Variants in WNK1 observed in about 807,000 individuals in gnomAD.
WNK1 encodes the protein serine/threonine-protein kinase WNK1.
WNK1 carries 38 observed loss-of-function variants against 222.8 expected under a neutral mutation model. That is an observed-to-expected ratio of 0.17 (90% CI 0.13 to 0.22). The LOEUF is 0.22. Among genes scored for constraint, WNK1 ranks in the 10% least tolerant of loss-of-function variants. WNK1 has a pLI of 1.00. For missense variants in WNK1, 2,348 were observed against 2,918.4 expected, an observed-to-expected ratio of 0.80 and a Z score of 4.50; for synonymous variants, 1,090 against 1,092.9, an observed-to-expected ratio of 1.00 and a Z score of 0.05.
chr12:826,022 A>T (rs1327751326), intron 2 of WNK1, among the ~76,000 whole-genome samples: 1 of 152,110 alleles, frequency 6.6e-6, no homozygotes, highest in Non-Finnish European at 1.5e-5. Context: ...TCCTACATTC[A>T]TGTATTTCAG....
intron 1 of WNK1, among the ~76,000 whole-genome samples, chr12:754,586 C>T (rs529927437): frequency 1.3e-5 from 2 of 152,302 alleles, no homozygotes; most frequent in Admixed American, 6.5e-5. Context: ...AACGAATTGT[C>T]TCCTGGTTTA....
intron 2 of WNK1, among the ~76,000 whole-genome samples, chr12:824,405 C>T (rs1227881861): frequency 6.6e-6 from 1 of 151,990 alleles, no homozygotes; most frequent in Non-Finnish European, 1.5e-5. Context: ...GATTGGATTC[C>T]TTCTTGTCCT....
intron 1 of WNK1, among the ~76,000 whole-genome samples, chr12:789,480 A>G (rs1185003428): frequency 6.7e-6 from 1 of 149,872 alleles, no homozygotes; most frequent in African/African-American, 2.5e-5. Context: ...TACCTGTATT[A>G]TTAGTCCTTT....
intron 1 of WNK1, among the ~76,000 whole-genome samples, chr12:755,968 C>T (rs537130701): frequency 6.6e-6 from 1 of 152,142 alleles, no homozygotes; most frequent in South Asian, 2.1e-4. Flanking sequence ...AGCGAGACTC[C>T]GTCTCAAAAA....
rs1039791359 is a variant in WNK1 at position 885,821 on chromosome 12, C to T, written c.5017C>T (p.His1673Tyr). The change falls in exon 19 of 28, where the codon CAT becomes TAT. Residue 1673 changes from histidine (H) to tyrosine (Y), a missense_variant. Transcript: ENST00000315939. ...TGAACACAGCTCATCTGGAGCTCAG[C>T]ATGCCTCTGTCTCACTGGAGACCTC... ...FSEHSSSGAQ[H>Y]ASVSLETSLV... The T allele has an allele frequency of 1.2e-6, 2 of 1,614,108 alleles. No homozygotes were observed. The highest frequency in any genetic ancestry group is 8.5e-7 in the Non-Finnish European group (1 of 1,180,042).
chr12:793,553 T>C (rs1945036092), intron 1 of WNK1, among the ~76,000 whole-genome samples: 2 of 152,160 alleles, frequency 1.3e-5, no homozygotes, highest in African/African-American at 4.8e-5. Flanking sequence ...GAGATTCATA[T>C]TGGGTGACGG....
At chr12:766,963 G>A (rs1941788294) in intron 1 of WNK1, among the ~76,000 whole-genome samples, 1 of 151,996 alleles carries the variant, frequency 6.6e-6, no homozygotes, top group Non-Finnish European at 1.5e-5. Flanking sequence ...TTTTAGTAGA[G>A]ACAGGGTTTC....
At chr12:839,617 T>A (rs139763889) in intron 4 of WNK1, among the ~76,000 whole-genome samples, 1 of 152,172 alleles carries the variant, frequency 6.6e-6, no homozygotes, top group Non-Finnish European at 1.5e-5. Context: ...TCAAACAATA[T>A]CAAACCTGAT....
intron 1 of WNK1, among the ~76,000 whole-genome samples, chr12:808,043 A>G (rs769250679): frequency 6.6e-6 from 1 of 152,046 alleles, no homozygotes; most frequent in Non-Finnish European, 1.5e-5. Flanking sequence ...TTCTATTATT[A>G]TTCTCATTCA....
Position 834,960 on chromosome 12 carries a change from G to A in WNK1, c.1311+4800G>A, listed in dbSNP as rs538336151. ...AACAATGAATATATTGTTTGTACGCGTGTCTATGTGTATGCAAGTGGAAAA... is the reference window on the plus strand; with the variant it reads ...AACAATGAATATATTGTTTGTACGCATGTCTATGTGTATGCAAGTGGAAAA... On this transcript the variant is annotated intron_variant, in intron 4 of 27. Transcript: ENST00000315939. Among the ~76,000 whole-genome samples, 12 of 152,226 alleles carry A rather than the reference G, an allele frequency of 7.9e-5. No individual in the cohort carries two copies. In the South Asian group the frequency reaches 2.1e-3, roughly 26 times the overall value.
rs140080278 is a variant in WNK1 at position 781,287 on chromosome 12, A to C, written c.759+26963A>C. On this transcript the variant is annotated intron_variant, in intron 1 of 27. Transcript: ENST00000315939. ...AAAAACTGCTTTTCCACAGGGGGAA[A>C]ATACTGTTTACTGCCCATCTTTGAA... 518 of 153,328 alleles carry C rather than the reference A, an allele frequency of 3.4e-3. 8 individuals are homozygous for C. The highest frequency in any genetic ancestry group is 0.022 in the East Asian group (116 of 5,386). The allele number at this position is 153,328 out of a possible 1,614,324, so 9.5% of individuals were successfully genotyped here.
intron 8 of WNK1, 122 bp from the exon 9 acceptor site, chr12:871,143 G>A (rs1380374993): frequency 3.3e-6 from 3 of 917,906 alleles, no homozygotes; most frequent in Admixed American, 2.0e-5. Flanking sequence ...TACATAATCA[G>A]GTTAATGTTT....
rs1407431511 is a variant in WNK1 at position 885,387 on chromosome 12, C to T, written c.4583C>T (p.Ser1528Leu). The T allele has an allele frequency of 6.2e-7, 1 of 1,613,780 alleles. No individual in the cohort carries two copies. The highest frequency in any genetic ancestry group is 8.5e-7 in the Non-Finnish European group (1 of 1,180,038). The change falls in exon 19 of 28, where the codon TCA becomes TTA. Residue 1528 changes from serine to leucine, a missense_variant. Transcript: ENST00000315939. ...LAETVVVSAH[S>L]LDKTSHSSTT... ...GAAACCGTGGTAGTTAGCGCACACTCACTAGATAAGACATCTCATAGCAGT... is the reference window on the plus strand; with the variant it reads ...GAAACCGTGGTAGTTAGCGCACACTTACTAGATAAGACATCTCATAGCAGT...
intron 6 of WNK1, among the ~76,000 whole-genome samples, chr12:860,479 AGAG>A (rs1216323018): frequency 6.6e-6 from 1 of 152,328 alleles, no homozygotes; most frequent in Non-Finnish European, 1.5e-5. Flanking sequence ...GTTGCCTCTG[AGAG>A]GAGATCAGGT....
chr12:832,570 AATTTC>A (rs2154029710), intron 4 of WNK1, among the ~76,000 whole-genome samples: 1 of 152,286 alleles, frequency 6.6e-6, no homozygotes, highest in South Asian at 2.1e-4. Flanking sequence ...CAATTAGTTT[AATTTC>A]ATATGAAGTT....
Position 881,428 on chromosome 12 carries a change from A to G in WNK1, c.3112-264A>G, listed in dbSNP as rs1592155918. 8 of 515,248 alleles carry G rather than the reference A, an allele frequency of 1.6e-5. No homozygotes were observed. In the East Asian group the frequency reaches 2.5e-4, roughly 16 times the overall value. The allele number at this position is 515,248 out of a possible 1,614,324, so 31.9% of individuals were successfully genotyped here. On this transcript the variant is annotated intron_variant, in intron 12 of 27. Transcript: ENST00000315939. ...ACACTCTTGGTAAGATGCTGGCTGC[A>G]TGGCAAGTTGTAGGTTCACACTGCC...
intron 3 of WNK1, 61 bp from the exon 4 acceptor site, chr12:829,942 C>T (rs961970176): frequency 1.1e-5 from 18 of 1,584,938 alleles, no homozygotes; most frequent in Middle Eastern, 3.3e-4. Context: ...GCTTCTCACC[C>T]CGGTGAGTAA....
intron 9 of WNK1, among the ~76,000 whole-genome samples, chr12:874,157 A>C (rs968850541): frequency 2.6e-5 from 4 of 151,918 alleles, no homozygotes; most frequent in Admixed American, 1.3e-4. Context: ...CTCATCTCAA[A>C]AAAAAAAAAG....
At chr12:769,279 A>G (rs552809827) in intron 1 of WNK1, among the ~76,000 whole-genome samples, 1 of 150,446 alleles carries the variant, frequency 6.6e-6, no homozygotes, top group African/African-American at 2.4e-5. Context: ...GCTCACTGCA[A>G]CCTCCGCCTC....
Sources: gnomAD v4.1 joint callset for allele counts (sites outside exome capture counted in the v4.1 genomes callset) on GRCh38, gnomAD v4.1.1 for gene constraint, MANE v1.5 for transcripts, NCBI Gene and HGNC (gene_info 2026-07-23, HGNC 2026-07-21) for gene names.